The following CNGB3 variants were observed in gnomAD, a reference collection of about 807,000 sequenced individuals.
CNGB3 encodes the protein cyclic nucleotide-gated channel beta-3.
In CNGB3, 86 loss-of-function variants were observed where a neutral mutation model predicts 92.8. The observed-to-expected ratio is 0.93, with a 90% confidence interval of 0.78 to 1.11. The LOEUF (loss-of-function observed/expected upper bound fraction) is 1.11. Among genes scored for constraint, CNGB3 ranks in the 50% least tolerant of loss-of-function variants. The pLI, the probability that CNGB3 is intolerant of heterozygous loss-of-function variation, is 0.00. For missense variants in CNGB3, 1,026 were observed against 956.8 expected, an observed-to-expected ratio of 1.07 and a Z score of -0.95; for synonymous variants, 333 against 332.7, an observed-to-expected ratio of 1.00 and a Z score of -0.01.
chr8:86,651,481 C>G (rs1219235990), intron 7 of CNGB3, among the ~76,000 whole-genome samples: 2 of 151,812 alleles, frequency 1.3e-5, no homozygotes, highest in Admixed American at 1.3e-4. Flanking sequence ...AGGTATCGAT[C>G]TTTGTAACAA....
chr8:86,601,878 C>G (rs1295252167), intron 15 of CNGB3, among the ~76,000 whole-genome samples: 1 of 152,094 alleles, frequency 6.6e-6, no homozygotes, highest in East Asian at 1.9e-4. Context: ...TTCAATTTGG[C>G]CTTAGAAACC....
intron 7 of CNGB3, among the ~76,000 whole-genome samples, chr8:86,652,006 G>A (rs748783613): frequency 4.0e-5 from 6 of 151,862 alleles, no homozygotes; most frequent in Non-Finnish European, 7.4e-5. Context: ...TAGGTGGTAT[G>A]GTATAGACAT....
At chr8:86,706,488 G>C (rs1824654535) in intron 3 of CNGB3, among the ~76,000 whole-genome samples, 1 of 152,212 alleles carries the variant, frequency 6.6e-6, no homozygotes, top group Non-Finnish European at 1.5e-5. Flanking sequence ...AGGTAAAAGT[G>C]CAACAGCCTT....
At position 86,743,614 on chromosome 8, in the gene CNGB3, A is replaced by G; in HGVS notation, c.14T>C (p.Leu5Pro). 1.2e-6 allele frequency: 2 copies of G among 1,613,992 alleles called. No individual in the cohort carries two copies. Among genetic ancestry groups the G allele is most frequent in the Non-Finnish European group, 1.7e-6 (2 of 1,179,868 alleles). Residue 5 changes from leucine to proline, a missense_variant, in exon 1 of 18, where the codon CTG becomes CCG. Physicochemically the swap from Leu to Pro is moderately conservative, Grantham distance 98. Coordinates refer to ENST00000320005, the MANE Select transcript of CNGB3 (RefSeq NM_019098.5). MFKS[L>P]TKVNKVKPIG... is the part of the protein sequence containing the mutation. Reference sequence around the variant, plus strand: ...AGGCTTCACCTTGTTGACTTTTGTCAGCGATTTAAACATCTTCTCTGAGGT... The same window carrying G: ...AGGCTTCACCTTGTTGACTTTTGTCGGCGATTTAAACATCTTCTCTGAGGT...
chr8:86,584,227 C>T (rs1423345879), intron 15 of CNGB3, among the ~76,000 whole-genome samples: 1 of 152,142 alleles, frequency 6.6e-6, no homozygotes, highest in Non-Finnish European at 1.5e-5. Flanking sequence ...TCTTCCCTTT[C>T]TATGAAATTG....
intron 3 of CNGB3, among the ~76,000 whole-genome samples, chr8:86,673,457 T>A (rs1286376171): frequency 6.6e-6 from 1 of 150,882 alleles, no homozygotes; most frequent in African/African-American, 2.4e-5. Context: ...GTGGCAGGAG[T>A]GATGGTGGTT....
intron 6 of CNGB3, among the ~76,000 whole-genome samples, chr8:86,656,844 A>G (rs190268402): frequency 2.0e-5 from 3 of 152,260 alleles, no homozygotes; most frequent in African/African-American, 7.2e-5. Context: ...CGTACTATCA[A>G]TAAAGAAGTT....
At chr8:86,605,143 T>C (rs1209699994) in intron 14 of CNGB3, among the ~76,000 whole-genome samples, 1 of 152,180 alleles carries the variant, frequency 6.6e-6, no homozygotes, top group Admixed American at 6.5e-5. Flanking sequence ...TGTTTGCCCA[T>C]GTATATCTTT....
intron 3 of CNGB3, among the ~76,000 whole-genome samples, chr8:86,708,770 TC>T (rs1462416839): frequency 6.6e-6 from 1 of 151,934 alleles, no homozygotes; most frequent in Non-Finnish European, 1.5e-5. Context: ...GGGGTCTTGC[TC>T]TGTTGCCCAG....
intron 6 of CNGB3, among the ~76,000 whole-genome samples, chr8:86,663,592 T>A (rs78070855): frequency 0.01 from 1,594 of 152,324 alleles, 28 homozygotes; most frequent in African/African-American, 0.032. Flanking sequence ...AGTAGATGTA[T>A]CTACCTAGCA....
intron 4 of CNGB3, among the ~76,000 whole-genome samples, chr8:86,668,693 C>CA (rs11286058): frequency 1.7e-3 from 237 of 137,188 alleles, no homozygotes; most frequent in South Asian, 0.015. Flanking sequence ...TAAATTTTTA[C>CA]AAAAAAAAAA....
intron 12 of CNGB3, among the ~76,000 whole-genome samples, chr8:86,627,184 C>T (rs1451664089): frequency 6.6e-6 from 1 of 152,048 alleles, no homozygotes; most frequent in Non-Finnish European, 1.5e-5. Context: ...AATATAGATT[C>T]TAAATATGAA....
At chr8:86,633,574 C>A (rs1277625499) in intron 10 of CNGB3, among the ~76,000 whole-genome samples, 3 of 152,182 alleles carry the variant, frequency 2.0e-5, no homozygotes, top group Non-Finnish European at 2.9e-5. Flanking sequence ...TTTCCTATAA[C>A]TTAGAAGCCC....
At chr8:86,659,344 G>A in intron 6 of CNGB3, 2 of 1,158,302 alleles carry the variant, frequency 1.7e-6, no homozygotes, top group South Asian at 1.2e-5. Context: ...TGTAACTGCT[G>A]GTTAGCATCA....
At chr8:86,615,323 G>A (rs1044460431) in intron 13 of CNGB3, among the ~76,000 whole-genome samples, 8 of 152,040 alleles carry the variant, frequency 5.3e-5, no homozygotes, top group African/African-American at 7.2e-5. Context: ...ACTACAGATC[G>A]GCCGGGTGTG....
At chr8:86,598,555 C>T (rs560859115) in intron 15 of CNGB3, among the ~76,000 whole-genome samples, 59 of 152,312 alleles carry the variant, frequency 3.9e-4, no homozygotes, top group African/African-American at 1.3e-3. Context: ...TTTATTATCT[C>T]ACAGTTCTGG....
chr8:86,576,175 A>G, intron 17 of CNGB3, 45 bp from the exon 18 acceptor site: 2 of 1,591,050 alleles, frequency 1.3e-6, no homozygotes, highest in Admixed American at 1.7e-5. Context: ...ATCGTAATTA[A>G]AAACATTGGA....
At chr8:86,706,803 G>A (rs1307200620) in intron 3 of CNGB3, among the ~76,000 whole-genome samples, 2 of 152,188 alleles carry the variant, frequency 1.3e-5, no homozygotes, top group African/African-American at 4.8e-5. Context: ...AACAATTGTA[G>A]AGAGGAAGTC....
rs77854843 is a variant in CNGB3, at chr8:86,685,682, A to G, written c.339-14584T>C. On this transcript the variant is annotated intron_variant, in intron 3 of 17. Transcript: ENST00000320005. ...TATCTTACTGAAAAGTCATATATGC[A>G]GATAGGTGATAGAAGGTTAGAAACA... 8.7e-3 allele frequency among the ~76,000 whole-genome samples: 1,327 copies of G among 152,246 alleles called. 23 individuals carry two copies. The highest frequency in any genetic ancestry group is 0.03 in the African/African-American group (1,267 of 41,552).
Sources: allele counts gnomAD v4.1 joint callset (sites outside exome capture counted in the v4.1 genomes callset), GRCh38; gene constraint gnomAD v4.1.1; transcripts MANE v1.5; gene names NCBI Gene and HGNC (gene_info 2026-07-23, HGNC 2026-07-21).